The following CLEC12A variants were observed in gnomAD, a reference collection of about 807,000 sequenced individuals.
CLEC12A encodes C-type lectin protein CLL-1.
Under a neutral mutation model 26.5 loss-of-function variants are expected in CLEC12A, and 22 were observed. The ratio of observed to expected loss-of-function variants is 0.83; its 90% CI spans 0.59 to 1.19. CLEC12A has a LOEUF of 1.19. Among genes scored for constraint, CLEC12A ranks in the 50% most tolerant of loss-of-function variants. The pLI is 0.00. For synonymous variants in CLEC12A, 119 were observed against 101.9 expected, an observed-to-expected ratio of 1.17 and a Z score of -1.01; for missense variants, 353 against 315.6, an observed-to-expected ratio of 1.12 and a Z score of -0.90.
At chr12:9,964,767 C>A (rs1212759377) in intron 1 of CLEC12A, among the ~76,000 whole-genome samples, 1 of 152,170 alleles carries the variant, frequency 6.6e-6, no homozygotes, top group Non-Finnish European at 1.5e-5. Context: ...TGTACTATAG[C>A]ATAGCCTGCC....
chr12:9,971,848 AG>A (rs1864140756), intron 1 of CLEC12A, among the ~76,000 whole-genome samples, 161 bp downstream of exon 1: 1 of 152,208 alleles, frequency 6.6e-6, no homozygotes, highest in South Asian at 2.1e-4. Context: ...CAAAATGATT[AG>A]AAAAAAGGGT....
chr12:9,967,839 G>A (rs774829621), upstream of CLEC12A, among the ~76,000 whole-genome samples: 2 of 152,174 alleles, frequency 1.3e-5, no homozygotes, highest in Non-Finnish European at 1.5e-5. Flanking sequence ...AAGGGTGAAG[G>A]ACCAAGGCAG....
intron 3 of CLEC12A, 67 bp from the exon 4 acceptor site, chr12:9,980,515 G>T: frequency 7.0e-7 from 1 of 1,425,290 alleles, no homozygotes; most frequent in Non-Finnish European, 9.7e-7. Context: ...ACACAGAGAG[G>T]AAAGGAAATA....
chr12:9,999,058 G>A (rs186022027), downstream of CLEC12A: 9 of 1,605,382 alleles, frequency 5.6e-6, no homozygotes, highest in Admixed American at 6.7e-5. Context: ...GCTGGTTTCC[G>A]AGTTTTAATA....
upstream of CLEC12A, among the ~76,000 whole-genome samples, chr12:9,967,746 C>T (rs900011970): frequency 6.6e-6 from 1 of 151,612 alleles, no homozygotes; most frequent in Non-Finnish European, 1.5e-5. Flanking sequence ...GGTTCTTGCC[C>T]CCCAGAAAAG....
intron 4 of CLEC12A, chr12:9,993,466 T>C (rs771850351): frequency 4.9e-6 from 3 of 609,398 alleles, no homozygotes; most frequent in Admixed American, 2.9e-5. Context: ...GTACAAGATA[T>C]GCATATTTAA....
intron 1 of CLEC12A, among the ~76,000 whole-genome samples, chr12:9,965,114 A>AT (rs1863907231): frequency 1.3e-5 from 2 of 152,152 alleles, no homozygotes; most frequent in African/African-American, 4.8e-5. Context: ...ATAGTTTGTG[A>AT]TTTTTTGGGC....
intron 1 of CLEC12A, among the ~76,000 whole-genome samples, chr12:9,973,991 C>G (rs1864235331): frequency 6.6e-6 from 1 of 152,140 alleles, no homozygotes; most frequent in Admixed American, 6.5e-5. Context: ...CACAACTCAA[C>G]TTTTGAAAGC....
intron 5 of CLEC12A, 27 bp downstream of exon 5, chr12:9,982,156 T>C: frequency 7.9e-7 from 1 of 1,272,724 alleles, no homozygotes; most frequent in Non-Finnish European, 1.1e-6. Context: ...GTTAGAATTT[T>C]ATAGCTGGGT....
At chr12:10,002,567 C>G in the CLEC12A span, among the ~76,000 whole-genome samples, 3 of 138,448 alleles carry the variant, frequency 2.2e-5, no homozygotes, top group South Asian at 6.7e-4. Flanking sequence ...CACAGCCTCC[C>G]AAGTAGTTGG....
downstream of CLEC12A, chr12:9,996,798 G>A (rs776324413): frequency 8.8e-6 from 14 of 1,598,424 alleles, no homozygotes; most frequent in East Asian, 2.7e-4. Context: ...TTACATTTGA[G>A]GTTTCTCTTC....
At chr12:10,000,019 A>G (rs558153161), downstream of CLEC12A, among the ~76,000 whole-genome samples, 6 of 152,342 alleles carry the variant, frequency 3.9e-5, no homozygotes, top group South Asian at 1.0e-3. Flanking sequence ...ACAGCCATAC[A>G]AAGCTAGCTG....
chr12:9,957,462 T>G (rs1863760556), intron 1 of CLEC12A, among the ~76,000 whole-genome samples: 1 of 31,996 alleles, frequency 3.1e-5, no homozygotes. Flanking sequence ...CATTCCAGCC[T>G]GGGTGATGAC....
At chr12:10,005,292 T>A in the CLEC12A span, among the ~76,000 whole-genome samples, 1 of 152,188 alleles carries the variant, frequency 6.6e-6, no homozygotes, top group South Asian at 2.1e-4. Context: ...TAATTGTATA[T>A]CATGGAAAGT....
chr12:10,001,606 T>C, the CLEC12A span, among the ~76,000 whole-genome samples: 11 of 152,304 alleles, frequency 7.2e-5, no homozygotes, highest in Middle Eastern at 6.8e-3. Context: ...CTTGATAACA[T>C]TGAGTTCTAA....
In CLEC12A at chr12:9,971,830, T is replaced by A. The variant is rs1591822629; in HGVS notation, c.91+143T>A. 9 of 612,922 alleles carry A rather than the reference T, an allele frequency of 1.5e-5. No individual in the cohort carries two copies. In the East Asian group the frequency reaches 3.0e-4, roughly 20 times the overall value. 38.0% of individuals were successfully genotyped at this position (612,922 alleles called of 1,614,324 possible). ...TATGTTTAAGCAAAGGAACAAAAAG[T>A]GTATGAACAAAATGATTAGAAAAAA... On this transcript the variant is annotated intron_variant, in intron 1 of 5. Transcript: ENST00000304361.
At chr12:9,987,446 G>GTGCCACAAA (rs1351042780), downstream of CLEC12A, among the ~76,000 whole-genome samples, 1 of 152,144 alleles carries the variant, frequency 6.6e-6, no homozygotes, top group Non-Finnish European at 1.5e-5. Context: ...CCCAATAAAT[G>GTGCCACAAA]TGCCACAAAT....
intron 1 of CLEC12A, among the ~76,000 whole-genome samples, chr12:9,962,483 C>G (rs1863850341): frequency 6.6e-6 from 1 of 152,070 alleles, no homozygotes; most frequent in Non-Finnish European, 1.5e-5. Flanking sequence ...TTTGTGTGAG[C>G]AACAAGGCTG....
At chr12:9,958,216 C>A (rs1295471647) in intron 1 of CLEC12A, among the ~76,000 whole-genome samples, 2 of 152,222 alleles carry the variant, frequency 1.3e-5, no homozygotes, top group Non-Finnish European at 2.9e-5. Flanking sequence ...ACTTTAGGCA[C>A]AATGTCTTTG....
Sources: gnomAD v4.1 joint callset for allele counts (sites outside exome capture counted in the v4.1 genomes callset) on GRCh38, gnomAD v4.1.1 for gene constraint, MANE v1.5 for transcripts, NCBI Gene and HGNC (gene_info 2026-07-23, HGNC 2026-07-21) for gene names.